Variants in GLIS3 observed in about 807,000 individuals in gnomAD.
The protein encoded by GLIS3 is GLIS family zinc finger 3, also known as zinc finger protein GLIS3.
Under a neutral mutation model 78.6 loss-of-function variants are expected in GLIS3, and 53 were observed. The observed-to-expected ratio is 0.67, with a 90% CI of 0.54 to 0.85. The LOEUF (loss-of-function observed/expected upper bound fraction) is 0.85, where lower values mean the gene tolerates loss of function less well. Ranked by LOEUF, GLIS3 falls within the 40% of genes least tolerant of loss-of-function variation. GLIS3 has a pLI of 0.00. For missense variants in GLIS3, 1,703 were observed against 1,231.1 expected, an observed-to-expected ratio of 1.38 and a Z score of -5.74; for synonymous variants, 684 against 509.9, an observed-to-expected ratio of 1.34 and a Z score of -4.60.
At chr9:3,952,950 G>A (rs1490042880) in intron 4 of GLIS3, among the ~76,000 whole-genome samples, 3 of 152,080 alleles carry the variant, frequency 2.0e-5, no homozygotes, top group South Asian at 4.1e-4. Context: ...TCCCTTATGC[G>A]AGTCTTATTT....
chr9:4,326,900 A>G (rs1257109766), intron 2 of GLIS3, among the ~76,000 whole-genome samples: 1 of 152,136 alleles, frequency 6.6e-6, no homozygotes, highest in Non-Finnish European at 1.5e-5. Flanking sequence ...TCATGCCAGC[A>G]AGGTTTTTCC....
intron 2 of GLIS3, among the ~76,000 whole-genome samples, chr9:4,239,360 G>A (rs1276401321): frequency 2.0e-5 from 3 of 150,662 alleles, no homozygotes; most frequent in Non-Finnish European, 3.0e-5. Flanking sequence ...ACCCATAGAC[G>A]TTCACGACTT....
chr9:4,394,190 A>G, the GLIS3 span, among the ~76,000 whole-genome samples: 1 of 152,040 alleles, frequency 6.6e-6, no homozygotes, highest in Non-Finnish European at 1.5e-5. Flanking sequence ...AGGAGTGTAT[A>G]AAGCCCAGGA....
intron 4 of GLIS3, among the ~76,000 whole-genome samples, chr9:4,044,209 G>A (rs1005857546): frequency 5.3e-5 from 8 of 152,150 alleles, no homozygotes; most frequent in African/African-American, 9.7e-5. Flanking sequence ...CAAAGTCTTC[G>A]GAACAGTGTG....
rs1475671155 is a variant in GLIS3, at chr9:3,937,060, G to A, written c.1840C>T (p.Arg614Cys). 2.5e-6 allele frequency: 4 copies of A among 1,613,276 alleles called. No homozygotes were observed. Among genetic ancestry groups the A allele is most frequent in the East Asian group, 2.2e-5 (1 of 44,892 alleles). The change falls in exon 5 of 11, where the codon CGC (arginine) becomes TGC (cysteine). Residue 614 changes from arginine to cysteine, a missense_variant. Arg to Cys is a radical substitution (Grantham distance 180). Transcript: ENST00000381971. ...CQKAFSNSSD[R>C]AKHQRTHLDT... ...AGATGCGTCCGCTGGTGTTTGGCGC[G>A]GTCACTGGAGTTACTGAAGGCCTTC...
chr9:4,416,031 A>T, the GLIS3 span, among the ~76,000 whole-genome samples: 4 of 150,532 alleles, frequency 2.7e-5, no homozygotes, highest in South Asian at 2.1e-4. Context: ...GTATATATTT[A>T]TATCTTATAT....
In GLIS3 at chr9:4,210,881, G is replaced by A. The variant is rs556729608; in HGVS notation, c.388+75157C>T. On this transcript the variant is annotated intron_variant, in intron 2 of 10. Transcript: ENST00000381971. ...TGTCTGCCATTTTCCTTCTTCCAAGGTAAATTCCACACACCCCTACCCTCC... is the reference window on the plus strand; with the variant it reads ...TGTCTGCCATTTTCCTTCTTCCAAGATAAATTCCACACACCCCTACCCTCC... Among the ~76,000 whole-genome samples the A allele has an allele frequency of 7.9e-5, 12 of 152,224 alleles. No individual in the cohort carries two copies. The South Asian group carries it at 2.1e-3, about 26-fold the overall frequency.
At chr9:4,093,671 G>A (rs1278628721) in intron 4 of GLIS3, among the ~76,000 whole-genome samples, 1 of 152,166 alleles carries the variant, frequency 6.6e-6, no homozygotes, top group Non-Finnish European at 1.5e-5. Context: ...GCTTATCACA[G>A]GACAAGGCAC....
chr9:4,243,743 C>T (rs1172821594), intron 2 of GLIS3, among the ~76,000 whole-genome samples: 1 of 152,118 alleles, frequency 6.6e-6, no homozygotes, highest in Non-Finnish European at 1.5e-5. Flanking sequence ...CTCTCATCTG[C>T]CTGGAATGGA....
chr9:4,011,586 T>C (rs1822015064), intron 4 of GLIS3, among the ~76,000 whole-genome samples: 1 of 152,194 alleles, frequency 6.6e-6, no homozygotes, highest in Admixed American at 6.5e-5. Flanking sequence ...AGCTAAGACC[T>C]GGCAGCCCAT....
At chr9:3,859,944 A>T (rs913143882) in intron 8 of GLIS3, among the ~76,000 whole-genome samples, 22 of 152,184 alleles carry the variant, frequency 1.4e-4, no homozygotes, top group African/African-American at 5.1e-4. Flanking sequence ...AAAGAAAAAA[A>T]GAAAGGGAAG....
At chr9:4,422,653 A>G in the GLIS3 span, among the ~76,000 whole-genome samples, 52 of 152,352 alleles carry the variant, frequency 3.4e-4, no homozygotes, top group Non-Finnish European at 5.4e-4. Context: ...GGGAAGTCAG[A>G]GCAAACCACA....
chr9:4,243,728 G>A (rs2129743039), intron 2 of GLIS3, among the ~76,000 whole-genome samples: 1 of 152,290 alleles, frequency 6.6e-6, no homozygotes, highest in East Asian at 1.9e-4. Flanking sequence ...TTAAAATAGT[G>A]TAGCCTCTCA....
At chr9:4,468,848 G>C in the GLIS3 span, among the ~76,000 whole-genome samples, 2 of 152,108 alleles carry the variant, frequency 1.3e-5, no homozygotes, top group Non-Finnish European at 1.5e-5. Flanking sequence ...TGGCAAATTG[G>C]ATAAAGAGTC....
At chr9:4,343,185 T>G (rs201778474) in intron 2 of GLIS3, among the ~76,000 whole-genome samples, 3 of 137,528 alleles carry the variant, frequency 2.2e-5, no homozygotes, top group African/African-American at 8.1e-5. Context: ...CAAAAAAAAA[T>G]TAAAAAATTA....
chr9:4,193,704 T>C (rs1326223879), intron 2 of GLIS3, among the ~76,000 whole-genome samples: 1 of 152,222 alleles, frequency 6.6e-6, no homozygotes, highest in Non-Finnish European at 1.5e-5. Context: ...CCACCTGAGC[T>C]GGAGGGAGGC....
intron 2 of GLIS3, among the ~76,000 whole-genome samples, chr9:4,148,478 C>T (rs986508733): frequency 2.6e-5 from 4 of 152,106 alleles, no homozygotes; most frequent in African/African-American, 9.7e-5. Context: ...GTGCTCTATT[C>T]CTCCTCTAAA....
At chr9:4,341,587 C>T (rs1008332758) in intron 2 of GLIS3, among the ~76,000 whole-genome samples, 3 of 152,198 alleles carry the variant, frequency 2.0e-5, no homozygotes, top group Non-Finnish European at 4.4e-5. Context: ...CTCACCTATA[C>T]TCACTTCCAT....
chr9:4,133,489 A>G (rs1012418198), intron 2 of GLIS3, among the ~76,000 whole-genome samples: 5 of 152,170 alleles, frequency 3.3e-5, no homozygotes, highest in Non-Finnish European at 7.3e-5. Flanking sequence ...GAAAGAAGTG[A>G]GAGGTTAACA....
Sources: allele counts gnomAD v4.1 joint callset (sites outside exome capture counted in the v4.1 genomes callset), GRCh38; gene constraint gnomAD v4.1.1; transcripts MANE v1.5; gene names NCBI Gene and HGNC (gene_info 2026-07-23, HGNC 2026-07-21).